The following MYO1F variants were observed in gnomAD, a reference collection of about 807,000 sequenced individuals.
The protein encoded by MYO1F is myosin IF, also known as unconventional myosin-If.
A neutral mutation model predicts 146.6 loss-of-function variants in MYO1F; 60 were observed. The ratio of observed to expected loss-of-function variants is 0.41; its 90% CI spans 0.33 to 0.51. The LOEUF (loss-of-function observed/expected upper bound fraction) is 0.51. Ranked by LOEUF, MYO1F falls within the 20% of genes least tolerant of loss-of-function variation. MYO1F has a pLI of 0.25. For synonymous variants in MYO1F, 602 were observed against 602.1 expected (o/e 1.00, Z 0.00); for missense variants, 1,274 against 1,534.3 (o/e 0.83, Z 2.83).
At chr19:8,526,391 C>T in intron 24 of MYO1F, 62 bp downstream of exon 24, 1 of 1,541,256 alleles carries the variant, frequency 6.5e-7, no homozygotes, top group African/African-American at 1.4e-5. Context: ...TCCTGGCCTT[C>T]GTCCACTCTT....
intron 1 of MYO1F, among the ~76,000 whole-genome samples, chr19:8,563,390 C>T (rs543866562): frequency 1.4e-4 from 21 of 151,742 alleles, no homozygotes; most frequent in African/African-American, 3.6e-4. Flanking sequence ...CTCTGCTTCC[C>T]GGATTCAAGC....
At position 8,521,665 on chromosome 19, in the gene MYO1F, T is replaced by TG. The variant is rs1392226071; in HGVS notation, c.3221-62dup. 1.2e-5 allele frequency: 18 copies of TG among 1,502,464 alleles called. 1 individual carries two copies. The Admixed American group carries it at 2.9e-4, about 24-fold the overall frequency. The allele number at this position is 1,502,464 out of a possible 1,614,324, so 93.1% of individuals were successfully genotyped here. A position where few individuals can be genotyped will look rare whatever the true frequency, so the allele number is the denominator to read the frequency against. ...TGGCCCTGGAGAAAGCTCTCATGCC[T>TG]GGTCTGTCCATCTTGTTCATGGGGA... is the stretch of plus-strand genomic sequence containing the variant. On this transcript the variant is annotated intron_variant, in intron 27 of 27. Transcript: ENST00000644032.
At chr19:8,531,488 A>G (rs931255885) in intron 19 of MYO1F, among the ~76,000 whole-genome samples, 1 of 152,052 alleles carries the variant, frequency 6.6e-6, no homozygotes, top group Admixed American at 6.5e-5. Context: ...AGCTGGGACT[A>G]CAGCTGTGAG....
chr19:8,522,517 C>T lies in MYO1F; in HGVS notation c.3080G>A (p.Arg1027Gln), dbSNP rs200864651. The T allele has an allele frequency of 2.5e-3, 4,000 of 1,613,196 alleles. 14 individuals are homozygous for T. Among genetic ancestry groups the T allele is most frequent in the Non-Finnish European group, 2.4e-3 (2,880 of 1,179,794 alleles). The change falls in exon 27 of 28, where the codon CGG (arginine) becomes CAG (glutamine). Residue 1027 changes from arginine to glutamine, a missense_variant. This residue lies in a region of MYO1F where 374 missense variants were observed against 379.2 expected (regional missense o/e 0.99). Transcript: ENST00000644032. ...GGGTCGGCCCACACCAGGCACTGGC[C>T]GTTGCCCCACGCTGCGCTTCCTCTG... ...GMQRKRSVGQ[R>Q]PVPGVGRPKP...
chr19:8,534,385 G>A (rs1258625659), intron 19 of MYO1F, among the ~76,000 whole-genome samples: 4 of 151,124 alleles, frequency 2.6e-5, no homozygotes, highest in African/African-American at 9.7e-5. Context: ...TCAGCTCACT[G>A]CAACCTCTGC....
At chr19:8,569,686 C>A (rs1255179099) in intron 1 of MYO1F, among the ~76,000 whole-genome samples, 1 of 152,050 alleles carries the variant, frequency 6.6e-6, no homozygotes, top group Non-Finnish European at 1.5e-5. Flanking sequence ...GAGAGGGCTT[C>A]CTGTAGAAGG....
chr19:8,542,045 G>T, intron 14 of MYO1F, 54 bp from the exon 15 acceptor site: 1 of 1,432,706 alleles, frequency 7.0e-7, no homozygotes, highest in Non-Finnish European at 9.8e-7. Flanking sequence ...GGCTGGGAGG[G>T]TGGGCGTGGG....
chr19:8,571,480 T>C (rs1288326562), intron 1 of MYO1F, among the ~76,000 whole-genome samples: 1 of 152,014 alleles, frequency 6.6e-6, no homozygotes, highest in Non-Finnish European at 1.5e-5. Context: ...AGTGGCATGA[T>C]CTCGGCTCAC....
intron 8 of MYO1F, among the ~76,000 whole-genome samples, chr19:8,550,957 T>G (rs933632214): frequency 3.3e-5 from 5 of 152,086 alleles, no homozygotes; most frequent in African/African-American, 1.2e-4. Flanking sequence ...CTTGGCTCAC[T>G]GCAACCTCCT....
intron 2 of MYO1F, among the ~76,000 whole-genome samples, chr19:8,555,052 G>T (rs527608331): frequency 6.6e-6 from 1 of 152,042 alleles, no homozygotes; most frequent in African/African-American, 2.4e-5. Context: ...GGGCATGGTG[G>T]TGCATGCCTG....
chr19:8,539,288 C>A (rs895437090), intron 16 of MYO1F, among the ~76,000 whole-genome samples: 1 of 152,112 alleles, frequency 6.6e-6, no homozygotes. Flanking sequence ...GTGGTGCATG[C>A]CTGTAATCCC....
intron 10 of MYO1F, among the ~76,000 whole-genome samples, chr19:8,548,742 AAG>A (rs2145907859): frequency 6.6e-6 from 1 of 151,364 alleles, no homozygotes; most frequent in East Asian, 2.0e-4. Context: ...CTGGAACTAC[AAG>A]GGCCTGCCAC....
chr19:8,530,100 C>A lies in MYO1F; in HGVS notation c.2328+96G>T. ...CTGTGATGGAACAGATGGATCTAGG[C>A]TGGGGGATATCTGGCTGTGGGCAGG... On this transcript the variant is annotated intron_variant, in intron 21 of 27. Transcript: ENST00000644032. This position sits in a 1 kb window ranked among gnomAD's most constrained non-coding sequence, Gnocchi z 5.8. 6.6e-7 allele frequency: 1 copy of A among 1,524,680 alleles called. No homozygotes were observed. The highest frequency in any genetic ancestry group is 9.1e-7 in the Non-Finnish European group (1 of 1,103,714). The allele number at this position is 1,524,680 out of a possible 1,614,324, so 94.4% of individuals were successfully genotyped here. A position where few individuals can be genotyped will look rare whatever the true frequency, so the allele number is the denominator to read the frequency against.
At chr19:8,573,811 C>T (rs2042153460) in intron 1 of MYO1F, among the ~76,000 whole-genome samples, 1 of 152,120 alleles carries the variant, frequency 6.6e-6, no homozygotes, top group Non-Finnish European at 1.5e-5. Flanking sequence ...GATTGCACCA[C>T]TGCACTCCAG....
rs575391365 is a variant in MYO1F, at chr19:8,547,184, C to T, written c.1269+852G>A. ...GGCATGATGGTGTGTGCCTGCGGTC[C>T]CAGCTACTTGAGAGGCTGAAGTGGG... On this transcript the variant is annotated intron_variant, in intron 12 of 27. Transcript: ENST00000644032. 2.1e-4 allele frequency among the ~76,000 whole-genome samples: 32 copies of T among 151,744 alleles called. No individual in the cohort carries two copies. In the South Asian group the frequency reaches 4.0e-3, roughly 19 times the overall value.
intron 1 of MYO1F, among the ~76,000 whole-genome samples, chr19:8,567,175 C>T (rs1390367338): frequency 2.0e-5 from 3 of 150,252 alleles, no homozygotes; most frequent in East Asian, 2.0e-4. Context: ...AATTCCAATT[C>T]TCTGCCTCAT....
intron 1 of MYO1F, among the ~76,000 whole-genome samples, chr19:8,558,830 C>T (rs980263677): frequency 6.6e-5 from 10 of 152,064 alleles, no homozygotes; most frequent in African/African-American, 2.4e-4. Context: ...GAAAGAAACC[C>T]AGATTCAGAG....
intron 15 of MYO1F, 160 bp downstream of exon 15, chr19:8,541,746 C>T: frequency 1.4e-6 from 1 of 719,872 alleles, no homozygotes; most frequent in Non-Finnish European, 2.5e-6. Context: ...TTACTTTTTA[C>T]ATCAGAACTA....
At chr19:8,572,361 G>A (rs1197711022) in intron 1 of MYO1F, among the ~76,000 whole-genome samples, 1 of 151,992 alleles carries the variant, frequency 6.6e-6, no homozygotes, top group African/African-American at 2.4e-5. Flanking sequence ...TCTGCCTCTC[G>A]GGTTCAAGCG....
Sources: allele counts gnomAD v4.1 joint callset (sites outside exome capture counted in the v4.1 genomes callset), GRCh38; gene constraint gnomAD v4.1.1; regional missense constraint gnomAD v4.1.1; non-coding constraint Gnocchi (gnomAD v3.1); transcripts MANE v1.5; gene names NCBI Gene and HGNC (gene_info 2026-07-23, HGNC 2026-07-21).